The following LRRC4C variants were observed in gnomAD, a reference collection of about 807,000 sequenced individuals.
LRRC4C encodes leucine-rich repeat-containing protein 4C.
In LRRC4C, 5 loss-of-function variants were observed where a neutral mutation model predicts 33.6. The ratio of observed to expected loss-of-function variants is 0.15; its 90% CI spans 0.08 to 0.31. The LOEUF is 0.31. LRRC4C is among the 10% of genes least tolerant of loss of function. LRRC4C has a pLI of 1.00. For synonymous variants in LRRC4C, 329 were observed against 302.0 expected, an observed-to-expected ratio of 1.09 and a Z score of -0.93; for missense variants, 560 against 796.7, an observed-to-expected ratio of 0.70 and a Z score of 3.58.
At chr11:40,717,148 T>C (rs1309759262) in intron 2 of LRRC4C, among the ~76,000 whole-genome samples, 1 of 152,204 alleles carries the variant, frequency 6.6e-6, no homozygotes, top group Non-Finnish European at 1.5e-5. Flanking sequence ...TTCTCAGGCA[T>C]GGGATATTTG....
intron 4 of LRRC4C, among the ~76,000 whole-genome samples, chr11:40,276,305 C>T (rs533157971): frequency 6.6e-6 from 1 of 152,206 alleles, no homozygotes; most frequent in East Asian, 1.9e-4. Flanking sequence ...CAAGAGCCTG[C>T]TTTGTCTTGC....
chr11:40,694,369 C>A (rs1945383047), intron 2 of LRRC4C, among the ~76,000 whole-genome samples: 1 of 152,084 alleles, frequency 6.6e-6, no homozygotes, highest in Non-Finnish European at 1.5e-5. Flanking sequence ...TTTTTACCCT[C>A]TGTGGAAATC....
intron 6 of LRRC4C, among the ~76,000 whole-genome samples, chr11:40,131,409 T>A (rs1328864230): frequency 3.9e-5 from 6 of 152,116 alleles, no homozygotes; most frequent in African/African-American, 1.4e-4. Flanking sequence ...AAATGACGGT[T>A]TAGGGTAAAA....
intron 1 of LRRC4C, among the ~76,000 whole-genome samples, chr11:41,237,014 C>T (rs915560045): frequency 9.9e-5 from 15 of 152,166 alleles, no homozygotes; most frequent in African/African-American, 2.7e-4. Flanking sequence ...AAACTATATA[C>T]GTTGAGGTAT....
chr11:41,076,102 C>T (rs2135454412), intron 1 of LRRC4C, among the ~76,000 whole-genome samples: 1 of 152,300 alleles, frequency 6.6e-6, no homozygotes, highest in South Asian at 2.1e-4. Context: ...CGTCCAATCT[C>T]AAGCCTTTAA....
At chr11:41,119,578 A>G (rs1373840953) in intron 1 of LRRC4C, among the ~76,000 whole-genome samples, 1 of 152,210 alleles carries the variant, frequency 6.6e-6, no homozygotes, top group African/African-American at 2.4e-5. Flanking sequence ...GGCTCTTTCC[A>G]AAGTTTGAAG....
At chr11:40,266,980 A>C (rs1000342829) in intron 4 of LRRC4C, among the ~76,000 whole-genome samples, 5 of 104,428 alleles carry the variant, frequency 4.8e-5, no homozygotes, top group African/African-American at 1.9e-4. Flanking sequence ...CACAGTCTTT[A>C]CTTCTCTTTG....
intron 1 of LRRC4C, among the ~76,000 whole-genome samples, chr11:41,255,030 T>G (rs979916056): frequency 6.6e-6 from 1 of 151,962 alleles, no homozygotes; most frequent in Non-Finnish European, 1.5e-5. Context: ...AAACTGCTTA[T>G]TTTCCTGAGT....
At chr11:41,370,763 C>T (rs1223595699) in intron 1 of LRRC4C, among the ~76,000 whole-genome samples, 1 of 152,100 alleles carries the variant, frequency 6.6e-6, no homozygotes, top group Non-Finnish European at 1.5e-5. Flanking sequence ...AGGCTGGTGT[C>T]AAAACTCCAG....
intron 2 of LRRC4C, among the ~76,000 whole-genome samples, chr11:40,869,445 A>T (rs1954528422): frequency 6.6e-6 from 1 of 152,144 alleles, no homozygotes; most frequent in Non-Finnish European, 1.5e-5. Flanking sequence ...GGTCACAGCC[A>T]GCGCCAGGAA....
intron 1 of LRRC4C, among the ~76,000 whole-genome samples, chr11:41,196,037 T>C (rs993592828): frequency 5.3e-5 from 8 of 152,132 alleles, no homozygotes; most frequent in African/African-American, 1.9e-4. Flanking sequence ...TTTTTAAAGT[T>C]TGTTGCTTTC....
At chr11:41,339,962 AG>A (rs1951577021) in intron 1 of LRRC4C, among the ~76,000 whole-genome samples, 1 of 152,236 alleles carries the variant, frequency 6.6e-6, no homozygotes, top group Non-Finnish European at 1.5e-5. Context: ...CAAAATCCTG[AG>A]GGAAGACTAA....
At chr11:41,004,591 G>C (rs1416648220) in intron 1 of LRRC4C, among the ~76,000 whole-genome samples, 1 of 152,060 alleles carries the variant, frequency 6.6e-6, no homozygotes, top group East Asian at 1.9e-4. Context: ...TATTCTTCTA[G>C]AGAATGCTCT....
At chr11:40,637,824 T>C (rs1363813707) in intron 3 of LRRC4C, among the ~76,000 whole-genome samples, 1 of 152,178 alleles carries the variant, frequency 6.6e-6, no homozygotes. Flanking sequence ...CTTCAGTCTA[T>C]ACACATCACA....
intron 3 of LRRC4C, among the ~76,000 whole-genome samples, chr11:40,619,052 A>T (rs56146202): frequency 0.02 from 3,064 of 151,806 alleles, 47 homozygotes; most frequent in South Asian, 0.037. Context: ...AGAAAGACAA[A>T]CATCACATGT....
At chr11:41,160,745 C>T (rs527503226) in intron 1 of LRRC4C, among the ~76,000 whole-genome samples, 7 of 152,242 alleles carry the variant, frequency 4.6e-5, no homozygotes, top group South Asian at 4.1e-4. Context: ...AGGATACAGA[C>T]ACTCAAATGA....
chr11:41,292,229 G>A (rs1477545739), intron 1 of LRRC4C, among the ~76,000 whole-genome samples: 1 of 152,058 alleles, frequency 6.6e-6, no homozygotes, highest in Non-Finnish European at 1.5e-5. Flanking sequence ...TGTAATGTGA[G>A]CCTTTTCTAA....
At chr11:40,942,015 T>C (rs1259035957) in intron 1 of LRRC4C, among the ~76,000 whole-genome samples, 1 of 152,062 alleles carries the variant, frequency 6.6e-6, no homozygotes, top group Non-Finnish European at 1.5e-5. Context: ...AAAGGGGCAG[T>C]GAGCAGGTGA....
chr11:41,422,083 G>A (rs1332393421), intron 1 of LRRC4C, among the ~76,000 whole-genome samples: 2 of 152,054 alleles, frequency 1.3e-5, no homozygotes, highest in Non-Finnish European at 2.9e-5. Context: ...TTCATGAGAA[G>A]GTAGAGTATT....
Sources: gnomAD v4.1 joint callset for allele counts (sites outside exome capture counted in the v4.1 genomes callset) on GRCh38, gnomAD v4.1.1 for gene constraint, MANE v1.5 for transcripts, NCBI Gene and HGNC (gene_info 2026-07-23, HGNC 2026-07-21) for gene names.